The following AGAP3 variants were observed in gnomAD, a reference collection of about 807,000 sequenced individuals.
AGAP3 encodes arf-GAP with GTPase, ANK repeat and PH domain-containing protein 3.
A neutral mutation model predicts 96.9 loss-of-function variants in AGAP3; 24 were observed. That is an observed-to-expected ratio of 0.25 (90% confidence interval 0.18 to 0.35). AGAP3 has a LOEUF of 0.35. AGAP3 is among the 10% of genes least tolerant of loss of function. The pLI is 1.00. For missense variants in AGAP3, 876 were observed against 1,254.2 expected (o/e 0.70, Z 4.55); for synonymous variants, 563 against 536.1 (o/e 1.05, Z -0.69).
Position 151,141,843 on chromosome 7 carries a change from C to T in AGAP3, c.1805-55C>T. 1 of 1,608,182 alleles carries T rather than the reference C, an allele frequency of 6.2e-7. No homozygotes were observed. The highest frequency in any genetic ancestry group is 8.5e-7 in the Non-Finnish European group (1 of 1,174,764). ...TGAGTGGAGTTGTGGCGATAGCATG[C>T]CCTGGGTGTGCACGCAGGCCAGGAG... On this transcript the variant is annotated intron_variant, in intron 13 of 17. Coordinates refer to ENST00000397238, the MANE Select transcript of AGAP3 (RefSeq NM_031946.7). This position sits in a 1 kb window ranked among gnomAD's most constrained non-coding sequence, Gnocchi z 4.2.
Position 151,114,896 on chromosome 7 carries a change from C to T in AGAP3, c.332-1897C>T, listed in dbSNP as rs1799474019. The T allele has an allele frequency of 2.0e-6, 2 of 999,228 alleles. No individual in the cohort carries two copies. The highest frequency in any genetic ancestry group is 2.4e-6 in the Non-Finnish European group (2 of 841,804). The allele number at this position is 999,228 out of a possible 1,614,324, so 61.9% of individuals were successfully genotyped here. ...CCTCGGCCGGCCGCGCTGCCGCCGC[C>T]CTGCAGGCCGCCCTCTGCGCCGCCA... is the stretch of plus-strand genomic sequence containing the variant. On this transcript the variant is annotated intron_variant, in intron 1 of 17. Coordinates refer to ENST00000397238, the MANE Select transcript of AGAP3 (RefSeq NM_031946.7). This position sits in a 1 kb window ranked among gnomAD's most constrained non-coding sequence, Gnocchi z 4.4.
At chr7:151,087,779 G>T (rs1798220131) in intron 1 of AGAP3, among the ~76,000 whole-genome samples, 1 of 152,264 alleles carries the variant, frequency 6.6e-6, no homozygotes. Context: ...GAAACCCCCG[G>T]CCACTGCGCT....
At chr7:151,132,004 C>A (rs537083489) in intron 10 of AGAP3, among the ~76,000 whole-genome samples, 1 of 152,206 alleles carries the variant, frequency 6.6e-6, no homozygotes, top group Non-Finnish European at 1.5e-5. Flanking sequence ...GGACTGCCGA[C>A]GGGGACCAGG....
Position 151,143,953 on chromosome 7 carries a change from A to G in AGAP3, c.*10A>G. ...TCCTAGCCTCCTATAAGGCCCAGGA[A>G]GAGGGCAGAGGGGCCAGAAGGACTC... On this transcript the variant is annotated 3_prime_UTR_variant, in exon 18 of 18. Coordinates refer to ENST00000397238, the MANE Select transcript of AGAP3 (RefSeq NM_031946.7). The surrounding 1 kb of genome is among the most constrained non-coding windows in gnomAD (Gnocchi z 5.9). 1.9e-6 allele frequency: 3 copies of G among 1,612,316 alleles called. No homozygotes were observed. The highest frequency in any genetic ancestry group is 2.5e-6 in the Non-Finnish European group (3 of 1,178,746).
At chr7:151,115,448 C>A in intron 1 of AGAP3, 9 of 1,015,984 alleles carry the variant, frequency 8.9e-6, no homozygotes, top group Non-Finnish European at 9.4e-6. Context: ...GCTCCCTAGG[C>A]GCCTTCCCCA....
intron 1 of AGAP3, chr7:151,115,263 C>T: frequency 4.0e-6 from 4 of 1,001,784 alleles, no homozygotes; most frequent in Non-Finnish European, 3.6e-6. Context: ...GTGGAGCAGC[C>T]AGCGCTGGCC....
chr7:151,116,427 T>C (rs888848398), intron 1 of AGAP3: 5 of 307,436 alleles, frequency 1.6e-5, no homozygotes, highest in African/African-American at 1.1e-4. Flanking sequence ...TGAGACCTGC[T>C]GGAGTGGCCT....
chr7:151,142,668 TG>T lies in AGAP3; in HGVS notation c.2273+39del. ...ATGGTGCCCTGGAGCTGGCCAGGAA[TG>T]GGGGAAGCGTTGGGGGCTCCCAGCA... On this transcript the variant is annotated intron_variant, in intron 16 of 17. Transcript: ENST00000397238. This position sits in a 1 kb window ranked among gnomAD's most constrained non-coding sequence, Gnocchi z 7.5. The T allele has an allele frequency of 1.3e-6, 2 of 1,599,134 alleles. No homozygotes were observed.
chr7:151,113,778 C>T (rs1430519024), intron 1 of AGAP3, among the ~76,000 whole-genome samples: 1 of 152,198 alleles, frequency 6.6e-6, no homozygotes, highest in Admixed American at 6.5e-5. Context: ...CAATCACAGC[C>T]GGGGAGCTCT....
At chr7:151,097,389 A>G (rs2150414689) in intron 1 of AGAP3, among the ~76,000 whole-genome samples, 1 of 151,798 alleles carries the variant, frequency 6.6e-6, no homozygotes, top group South Asian at 2.1e-4. Flanking sequence ...AAAATTAGCC[A>G]GCCCTGATGG....
Position 151,118,733 on chromosome 7 carries a change from C to T in AGAP3, c.969+101C>T. ...CTGGCCTCCTGCTCACACCTGTCCA[C>T]CTTCCTCTGGCCTCCCAGCCTTGCA... On this transcript the variant is annotated intron_variant, in intron 7 of 17. Coordinates refer to ENST00000397238, the MANE Select transcript of AGAP3 (RefSeq NM_031946.7). The surrounding 1 kb of genome is among the most constrained non-coding windows in gnomAD (Gnocchi z 6.1). The T allele has an allele frequency of 6.9e-7, 1 of 1,452,614 alleles. No individual in the cohort carries two copies. The highest frequency in any genetic ancestry group is 1.2e-5 in the South Asian group (1 of 82,008). The allele number at this position is 1,452,614 out of a possible 1,614,324, so 90.0% of individuals were successfully genotyped here.
intron 1 of AGAP3, among the ~76,000 whole-genome samples, chr7:151,111,260 G>A (rs1002682348): frequency 5.3e-5 from 8 of 152,194 alleles, no homozygotes; most frequent in Non-Finnish European, 1.2e-4. Context: ...GGGCCTGACT[G>A]TTTGGGAGGG....
chr7:151,116,982 C>A (rs1002341658), intron 2 of AGAP3, 113 bp from the exon 3 acceptor site: 50 of 1,472,606 alleles, frequency 3.4e-5, no homozygotes, highest in Non-Finnish European at 4.3e-5. Context: ...TGCCCTCTCT[C>A]CTCCCCTTCA....
At chr7:151,091,602 A>C (rs1284089398) in intron 1 of AGAP3, among the ~76,000 whole-genome samples, 1 of 152,206 alleles carries the variant, frequency 6.6e-6, no homozygotes, top group African/African-American at 2.4e-5. Context: ...AAGGAGACCT[A>C]GATTTTCAGA....
At chr7:151,086,463 C>T (rs2150395458), upstream of AGAP3, among the ~76,000 whole-genome samples, 1 of 147,590 alleles carries the variant, frequency 6.8e-6, no homozygotes, top group African/African-American at 2.4e-5. Context: ...GCCGCGCGCT[C>T]CCGGTCCCGT....
intron 8 of AGAP3, among the ~76,000 whole-genome samples, chr7:151,122,037 G>A (rs562488094): frequency 1.3e-5 from 2 of 152,218 alleles, no homozygotes; most frequent in African/African-American, 2.4e-5. Flanking sequence ...GTTCCTGTCC[G>A]CATGGGGAGG....
intron 1 of AGAP3, among the ~76,000 whole-genome samples, chr7:151,091,061 C>G (rs570672903): frequency 2.4e-4 from 36 of 152,254 alleles, no homozygotes; most frequent in African/African-American, 8.7e-4. Context: ...CGTCCTGTGA[C>G]TTGATCCTGG....
chr7:151,116,107 G>T (rs1361577693), intron 1 of AGAP3, among the ~76,000 whole-genome samples: 2 of 152,214 alleles, frequency 1.3e-5, no homozygotes, highest in African/African-American at 4.8e-5. Context: ...ACCTGGAGGT[G>T]ACGGAGATGG....
chr7:151,120,037 C>G lies in AGAP3; in HGVS notation c.1020C>G (p.Pro340=). Residue 340 remains proline, a synonymous_variant, in exon 8 of 18, where the codon CCC becomes CCG. Transcript: ENST00000397238. ...SAFSDYSSSV[P]STPSISQREL... ...TCAGCGACTACTCGTCCTCAGTCCCCTCCACCCCCAGCATCAGCCAGCGGG... is the reference window on the plus strand; with the variant it reads ...TCAGCGACTACTCGTCCTCAGTCCCGTCCACCCCCAGCATCAGCCAGCGGG... 1 of 1,614,020 alleles carries G rather than the reference C, an allele frequency of 6.2e-7. No homozygotes were observed. The highest frequency in any genetic ancestry group is 2.2e-5 in the East Asian group (1 of 44,870).
Sources: gnomAD v4.1 joint callset for allele counts (sites outside exome capture counted in the v4.1 genomes callset) on GRCh38, gnomAD v4.1.1 for gene constraint, Gnocchi (gnomAD v3.1) non-coding constraint, MANE v1.5 for transcripts, NCBI Gene and HGNC (gene_info 2026-07-23, HGNC 2026-07-21) for gene names.